Variants in OLFM3 observed in about 807,000 individuals in gnomAD.
OLFM3 encodes noelin-3.
A neutral mutation model predicts 48.6 loss-of-function variants in OLFM3; 20 were observed. That is an observed-to-expected ratio of 0.41 (90% CI 0.29 to 0.60). The LOEUF (loss-of-function observed/expected upper bound fraction) is 0.60. OLFM3 is among the 20% of genes least tolerant of loss of function. OLFM3 has a pLI of 0.28. For synonymous variants in OLFM3, 222 were observed against 198.1 expected, an observed-to-expected ratio of 1.12 and a Z score of -1.01; for missense variants, 437 against 544.3, an observed-to-expected ratio of 0.80 and a Z score of 1.96.
chr1:101,996,369 A>G (rs114897121), intron 1 of OLFM3, among the ~76,000 whole-genome samples: 2,348 of 152,274 alleles, frequency 0.015, 54 homozygotes, highest in African/African-American at 0.053. Flanking sequence ...GAAACGGTTC[A>G]CCATGTCCTA....
rs552412627 is a variant in OLFM3, at chr1:101,895,904, A to T, written c.70-58879T>A. Among the ~76,000 whole-genome samples, 8 of 151,892 alleles carry T rather than the reference A, an allele frequency of 5.3e-5. No homozygotes were observed. The South Asian group carries it at 1.7e-3, about 32-fold the overall frequency. On this transcript the variant is annotated intron_variant, in intron 1 of 5. Coordinates refer to ENST00000370103, the MANE Select transcript of OLFM3 (RefSeq NM_058170.4). Reference sequence around the variant, plus strand: ...ATTACTTACTCTGGTTTTTATTTGAAAAGTTTTAAAGCCTAGAGCAGGATT... The same window carrying T: ...ATTACTTACTCTGGTTTTTATTTGATAAGTTTTAAAGCCTAGAGCAGGATT...
intron 1 of OLFM3, among the ~76,000 whole-genome samples, chr1:101,974,716 G>C (rs929340265): frequency 2.0e-5 from 3 of 152,088 alleles, no homozygotes; most frequent in Non-Finnish European, 4.4e-5. Flanking sequence ...GCTCTGAACC[G>C]GGCTTGTGGC....
intron 1 of OLFM3, among the ~76,000 whole-genome samples, chr1:101,877,923 T>G (rs941908809): frequency 1.3e-5 from 2 of 151,998 alleles, no homozygotes; most frequent in African/African-American, 4.8e-5. Context: ...AGATAAGTTT[T>G]TTTTCTATTT....
At chr1:101,912,481 G>A (rs1176658163) in intron 1 of OLFM3, among the ~76,000 whole-genome samples, 2 of 152,134 alleles carry the variant, frequency 1.3e-5, no homozygotes, top group East Asian at 3.9e-4. Context: ...TTTTTAAAAT[G>A]ACAAAACTGA....
At chr1:101,956,105 A>ATTTTTTTTTTTTTT (rs1660291135) in intron 1 of OLFM3, among the ~76,000 whole-genome samples, 2 of 80,602 alleles carry the variant, frequency 2.5e-5, no homozygotes, top group Admixed American at 1.1e-4. Flanking sequence ...TTTTTTTTTA[A>ATTTTTTTTTTTTTT]AAAAAACCTT....
rs1653698338 is a variant in OLFM3, at chr1:101,805,059, T to C, written c.700-144A>G. On this transcript the variant is annotated intron_variant, in intron 5 of 5. Coordinates refer to ENST00000370103, the MANE Select transcript of OLFM3 (RefSeq NM_058170.4). Reference sequence around the variant, plus strand: ...ATCTTACTGCTGACCTGCCGCAATGTATTTCAGGCTTTTGTAAAAATATTG... The same window carrying C: ...ATCTTACTGCTGACCTGCCGCAATGCATTTCAGGCTTTTGTAAAAATATTG... 7.9e-6 allele frequency: 5 copies of C among 636,568 alleles called. No individual in the cohort carries two copies. The Admixed American group carries it at 1.2e-4, about 15-fold the overall frequency. The allele number at this position is 636,568 out of a possible 1,614,324, so 39.4% of individuals were successfully genotyped here. A position where few individuals can be genotyped will look rare whatever the true frequency, so the allele number is the denominator to read the frequency against.
chr1:101,880,043 T>G (rs1246689704), intron 1 of OLFM3, among the ~76,000 whole-genome samples: 7 of 151,922 alleles, frequency 4.6e-5, no homozygotes, highest in Non-Finnish European at 8.8e-5. Flanking sequence ...TTTGCCTAAA[T>G]TTTTAATAAT....
At chr1:101,910,232 C>A (rs556039376) in intron 1 of OLFM3, 5 of 544,810 alleles carry the variant, frequency 9.2e-6, no homozygotes, top group Non-Finnish European at 1.2e-5. Context: ...TTTGGGAGGC[C>A]GAGGCGGGCG....
intron 1 of OLFM3, among the ~76,000 whole-genome samples, chr1:101,907,464 A>G (rs1219259410): frequency 6.6e-6 from 1 of 152,192 alleles, no homozygotes; most frequent in Non-Finnish European, 1.5e-5. Context: ...TGTGCAGGCT[A>G]TAGAGAAAAA....
Position 101,983,918 on chromosome 1 carries a change from C to T in OLFM3, c.69+12830G>A, listed in dbSNP as rs532610795. On this transcript the variant is annotated intron_variant, in intron 1 of 5. Coordinates refer to ENST00000370103, the MANE Select transcript of OLFM3 (RefSeq NM_058170.4). The stretch of plus-strand genomic sequence containing the variant: ...TGGTAGCTCACGTTTTGACTGATGA[C>T]AGCGATGGAGAAGGAAAAAATTGAA... Among the ~76,000 whole-genome samples, 6 of 152,196 alleles carry T rather than the reference C, an allele frequency of 3.9e-5. No individual in the cohort carries two copies. The South Asian group carries it at 1.2e-3, about 32-fold the overall frequency.
intron 1 of OLFM3, among the ~76,000 whole-genome samples, chr1:101,934,014 A>G (rs1327986280): frequency 6.6e-6 from 1 of 152,270 alleles, no homozygotes; most frequent in East Asian, 1.9e-4. Flanking sequence ...CAAAAATCAC[A>G]TGTAAATAGA....
chr1:101,826,255 T>C (rs1654861313), intron 3 of OLFM3, among the ~76,000 whole-genome samples: 1 of 152,142 alleles, frequency 6.6e-6, no homozygotes, highest in Admixed American at 6.5e-5. Context: ...CTTGGGTTTC[T>C]AGACATGTCA....
intron 1 of OLFM3, among the ~76,000 whole-genome samples, chr1:101,983,922 G>A (rs1200349222): frequency 6.6e-6 from 1 of 152,124 alleles, no homozygotes; most frequent in Non-Finnish European, 1.5e-5. Flanking sequence ...TGATGACAGC[G>A]ATGGAGAAGG....
chr1:101,842,224 T>C (rs1655757353), intron 1 of OLFM3, among the ~76,000 whole-genome samples: 2 of 152,046 alleles, frequency 1.3e-5, no homozygotes, highest in Non-Finnish European at 2.9e-5. Context: ...TAATAATGAA[T>C]AAAAACCAAA....
intron 2 of OLFM3, 99 bp from the exon 3 acceptor site, chr1:101,830,926 T>G (rs1159755845): frequency 2.0e-6 from 2 of 1,014,128 alleles, no homozygotes; most frequent in South Asian, 1.6e-5. Flanking sequence ...AAACTAGAAG[T>G]GCCAAATTCA....
Position 101,859,008 on chromosome 1 carries a change from G to A in OLFM3, c.70-21983C>T, listed in dbSNP as rs184578500. 3.9e-5 allele frequency among the ~76,000 whole-genome samples: 6 copies of A among 152,160 alleles called. No individual in the cohort carries two copies. In the East Asian group the frequency reaches 5.8e-4, roughly 15 times the overall value. On this transcript the variant is annotated intron_variant, in intron 1 of 5. Coordinates refer to ENST00000370103, the MANE Select transcript of OLFM3 (RefSeq NM_058170.4). ...TTTCCCAAGAAAATCAGGAAGGAAA[G>A]GCCATTTCAACACTGGTGACAGCAT...
chr1:101,889,230 T>C (rs1394855842), intron 1 of OLFM3, among the ~76,000 whole-genome samples: 1 of 152,094 alleles, frequency 6.6e-6, no homozygotes, highest in East Asian at 1.9e-4. Context: ...CTATTCACAA[T>C]AGCAAAGACT....
At chr1:101,841,920 T>C (rs780917820) in intron 1 of OLFM3, among the ~76,000 whole-genome samples, 1 of 152,206 alleles carries the variant, frequency 6.6e-6, no homozygotes, top group Non-Finnish European at 1.5e-5. Context: ...AAATCCCTGA[T>C]AAATTTTCTG....
At chr1:101,951,108 G>A (rs1660133057) in intron 1 of OLFM3, among the ~76,000 whole-genome samples, 1 of 152,186 alleles carries the variant, frequency 6.6e-6, no homozygotes. Flanking sequence ...GCCAGGAACT[G>A]TTTGGATTAG....
Sources: allele counts gnomAD v4.1 joint callset (sites outside exome capture counted in the v4.1 genomes callset), GRCh38; gene constraint gnomAD v4.1.1; transcripts MANE v1.5; gene names NCBI Gene and HGNC (gene_info 2026-07-23, HGNC 2026-07-21).